The following RAD51B variants were observed in gnomAD, a reference collection of about 807,000 sequenced individuals.
RAD51B encodes RAD51 paralog B, also known as DNA repair protein RAD51 homolog 2.
A neutral mutation model predicts 42.2 loss-of-function variants in RAD51B; 38 were observed. The observed-to-expected ratio is 0.90, with a 90% confidence interval of 0.70 to 1.18. The LOEUF is 1.18. Among genes scored for constraint, RAD51B ranks in the 50% most tolerant of loss-of-function variants. The probability of loss-of-function intolerance (pLI) is 0.00; values close to 1 mark genes in which losing one functional copy is unlikely to be tolerated. For missense variants in RAD51B, 373 were observed against 400.7 expected (o/e 0.93, Z 0.59); for synonymous variants, 154 against 145.2 (o/e 1.06, Z -0.43).
chr14:68,437,662 A>C (rs2085179208), intron 9 of RAD51B, among the ~76,000 whole-genome samples: 2 of 152,200 alleles, frequency 1.3e-5, no homozygotes, highest in Non-Finnish European at 2.9e-5. Flanking sequence ...TGGGAAAAGT[A>C]AGTCAAATAA....
chr14:68,569,159 G>A lies in RAD51B; in HGVS notation c.1037-25326G>A, dbSNP rs115839337. Among the ~76,000 whole-genome samples, 1,182 of 152,296 alleles carry A rather than the reference G, an allele frequency of 7.8e-3. 13 individuals carry two copies. Among genetic ancestry groups the A allele is most frequent in the African/African-American group, 0.026 (1,096 of 41,554 alleles). ...TTTAAGGCTTCTGGAGCTTGTCTTT[G>A]TTTCACCCGGGAAAGTCCCTGCAGG... On this transcript the variant is annotated intron_variant, in intron 10 of 10. Transcript: ENST00000487270.
intron 8 of RAD51B, among the ~76,000 whole-genome samples, chr14:68,314,443 A>C (rs1464336883): frequency 6.6e-6 from 1 of 152,234 alleles, no homozygotes; most frequent in Admixed American, 6.5e-5. Flanking sequence ...TTTGAAAGGC[A>C]GACTTAAAAT....
chr14:68,665,098 T>C (rs1893005843), intron 11 of RAD51B, among the ~76,000 whole-genome samples: 1 of 152,280 alleles, frequency 6.6e-6, no homozygotes, highest in African/African-American at 2.4e-5. Context: ...TTGACCTCTG[T>C]TGTTGGAATC....
At chr14:68,282,904 G>A (rs983865430) in intron 7 of RAD51B, among the ~76,000 whole-genome samples, 2 of 152,128 alleles carry the variant, frequency 1.3e-5, no homozygotes, top group Non-Finnish European at 2.9e-5. Flanking sequence ...GGGGGGACCC[G>A]AGACTCCTCT....
intron 8 of RAD51B, among the ~76,000 whole-genome samples, chr14:68,318,478 G>A (rs991690213): frequency 1.6e-4 from 24 of 152,100 alleles, no homozygotes; most frequent in African/African-American, 4.8e-4. Flanking sequence ...AAGTTGCTAA[G>A]ACCTTGAACC....
chr14:68,597,591 T>G (rs938542167), downstream of RAD51B, among the ~76,000 whole-genome samples: 1 of 152,052 alleles, frequency 6.6e-6, no homozygotes, highest in Non-Finnish European at 1.5e-5. Flanking sequence ...AGTTAAATGG[T>G]AAGAACTTAT....
At chr14:68,414,859 TAAAAA>T (rs33968049) in intron 9 of RAD51B, among the ~76,000 whole-genome samples, 1 of 71,212 alleles carries the variant, frequency 1.4e-5, no homozygotes, top group Non-Finnish European at 2.6e-5. Flanking sequence ...CCATCTCTAC[TAAAAA>T]AAAAAAAAAA....
intron 7 of RAD51B, chr14:68,114,045 T>TG (rs1462046797): frequency 6.6e-6 from 1 of 152,154 alleles, no homozygotes; most frequent in Non-Finnish European, 1.5e-5. Context: ...GAATATTTTC[T>TG]GGGATGAAAG....
intron 10 of RAD51B, among the ~76,000 whole-genome samples, chr14:68,550,600 TG>T (rs1888491923): frequency 6.6e-6 from 1 of 152,246 alleles, no homozygotes; most frequent in Non-Finnish European, 1.5e-5. Flanking sequence ...TTGGAGTGCT[TG>T]GAGACAGTTT....
At chr14:67,994,291 T>C (rs1595223218) in intron 7 of RAD51B, among the ~76,000 whole-genome samples, 1 of 152,256 alleles carries the variant, frequency 6.6e-6, no homozygotes, top group South Asian at 2.1e-4. Flanking sequence ...TTAATTTTAA[T>C]GTGCATCATT....
chr14:67,901,378 A>G (rs1258663655), intron 7 of RAD51B, among the ~76,000 whole-genome samples: 3 of 152,214 alleles, frequency 2.0e-5, no homozygotes, highest in Non-Finnish European at 2.9e-5. Flanking sequence ...ACATCCTGGC[A>G]TGAGGGTAAG....
At chr14:68,367,407 G>T (rs1200345052) in intron 8 of RAD51B, among the ~76,000 whole-genome samples, 1 of 152,124 alleles carries the variant, frequency 6.6e-6, no homozygotes, top group East Asian at 1.9e-4. Context: ...GAAAAGCTGA[G>T]AATTTTAAAA....
At chr14:68,600,583 GT>G (rs1447584517), downstream of RAD51B, among the ~76,000 whole-genome samples, 2 of 152,210 alleles carry the variant, frequency 1.3e-5, no homozygotes, top group African/African-American at 4.8e-5. Flanking sequence ...TGGGGCCACA[GT>G]AGAGGGCTTT....
At chr14:68,367,897 T>G (rs905324454) in intron 8 of RAD51B, among the ~76,000 whole-genome samples, 2 of 152,218 alleles carry the variant, frequency 1.3e-5, no homozygotes, top group African/African-American at 2.4e-5. Context: ...AAAAATGTTT[T>G]GACAACTATT....
intron 8 of RAD51B, among the ~76,000 whole-genome samples, chr14:68,341,918 T>C (rs2082579371): frequency 1.3e-5 from 2 of 152,156 alleles, no homozygotes; most frequent in South Asian, 4.1e-4. Context: ...ATAGTGCACT[T>C]TCACATCCTG....
chr14:67,940,041 T>TATATATAC (rs1566969167), intron 7 of RAD51B, among the ~76,000 whole-genome samples: 1 of 13,582 alleles, frequency 7.4e-5, no homozygotes, highest in Non-Finnish European at 2.4e-4. Flanking sequence ...TATATATATA[T>TATATATAC]ATATATATAT....
intron 8 of RAD51B, among the ~76,000 whole-genome samples, chr14:68,395,401 A>G (rs1303815678): frequency 2.6e-5 from 4 of 152,122 alleles, no homozygotes; most frequent in Non-Finnish European, 4.4e-5. Flanking sequence ...TAGGGATAGG[A>G]AGGGGGAGGA....
intron 7 of RAD51B, among the ~76,000 whole-genome samples, chr14:68,279,444 G>C (rs1282994147): frequency 1.3e-5 from 2 of 152,068 alleles, no homozygotes; most frequent in African/African-American, 4.8e-5. Context: ...TTTTCAAAGG[G>C]ATCATGGTAT....
chr14:68,062,572 T>G (rs2140443756), intron 7 of RAD51B, among the ~76,000 whole-genome samples: 1 of 152,018 alleles, frequency 6.6e-6, no homozygotes, highest in African/African-American at 2.4e-5. Context: ...GGCAGGCGGA[T>G]CACTTGAGGT....
Sources: allele counts gnomAD v4.1 joint callset (sites outside exome capture counted in the v4.1 genomes callset), GRCh38; gene constraint gnomAD v4.1.1; transcripts MANE v1.5; gene names NCBI Gene and HGNC (gene_info 2026-07-23, HGNC 2026-07-21).